PPIP5K2: variants seen among roughly 807,000 people sequenced by gnomAD.
PPIP5K2 encodes inositol hexakisphosphate and diphosphoinositol-pentakisphosphate kinase 2.
PPIP5K2 carries 105 observed loss-of-function variants against 154.6 expected under a neutral mutation model. That is an observed-to-expected ratio of 0.68 (90% CI 0.58 to 0.80). The LOEUF is 0.80. PPIP5K2 is among the 30% of genes least tolerant of loss of function. PPIP5K2 has a pLI of 0.00. For synonymous variants in PPIP5K2, 480 were observed against 490.3 expected, an observed-to-expected ratio of 0.98 and a Z score of 0.28; for missense variants, 992 against 1,504.6, an observed-to-expected ratio of 0.66 and a Z score of 5.64.
rs1281352937 is a variant in PPIP5K2 at position 103,210,631 on chromosome 5, G to A, written c.*8997G>A. On this transcript the variant is annotated 3_prime_UTR_variant, in exon 31 of 31. Transcript: ENST00000358359. The stretch of plus-strand genomic sequence containing the variant: ...CTCCCTTTTCTTTCATAGTCAACAA[G>A]TGCTTTTTGAACAATTATTGAGGTA... 2.6e-5 allele frequency: 4 copies of A among 152,004 alleles called. No homozygotes were observed. The highest frequency in any genetic ancestry group is 9.7e-5 in the African/African-American group (4 of 41,390). 9.4% of individuals were successfully genotyped at this position (152,004 alleles called of 1,614,324 possible). A position where few individuals can be genotyped will look rare whatever the true frequency, so the allele number is the denominator to read the frequency against.
intron 4 of PPIP5K2, among the ~76,000 whole-genome samples, chr5:103,137,923 TATC>T (rs1251516715): frequency 1.3e-5 from 2 of 152,206 alleles, no homozygotes; most frequent in South Asian, 2.1e-4. Context: ...TCACTGTATC[TATC>T]ATATTTTTTT....
intron 25 of PPIP5K2, 141 bp downstream of exon 25, chr5:103,183,548 A>G (rs1381771664): frequency 5.8e-6 from 4 of 687,208 alleles, no homozygotes; most frequent in Admixed American, 3.9e-5. Context: ...ATTTAAAAAT[A>G]CTTAATGATA....
chr5:103,140,903 C>T (rs1348125782), intron 5 of PPIP5K2, among the ~76,000 whole-genome samples: 7 of 150,386 alleles, frequency 4.7e-5, no homozygotes, highest in Non-Finnish European at 8.9e-5. Flanking sequence ...TAAACAGAAA[C>T]TGAGGGATTC....
intron 5 of PPIP5K2, among the ~76,000 whole-genome samples, chr5:103,142,210 C>T (rs1562394143): frequency 6.6e-6 from 1 of 152,214 alleles, no homozygotes; most frequent in African/African-American, 2.4e-5. Flanking sequence ...GGTGAGAAAT[C>T]CAGCGCAGCG....
Position 103,201,554 on chromosome 5 carries a change from A to G in PPIP5K2, c.3652A>G (p.Asn1218Asp). 2 of 1,609,698 alleles carry G rather than the reference A, an allele frequency of 1.2e-6. No individual in the cohort carries two copies. Among genetic ancestry groups the G allele is most frequent in the Non-Finnish European group, 1.7e-6 (2 of 1,178,356 alleles). ...TSGPSSAVVP[N>D]TSSRKKNITS... ...TGGACCTTCTAGTGCAGTTGTTCCT[A>G]ATACCTCATCTCGGAAAAAGAATAT... The change falls in exon 31 of 31, where the codon AAT (asparagine) becomes GAT (aspartate). Residue 1218 changes from asparagine to aspartate, a missense_variant. Physicochemically the swap from Asn to Asp is conservative, Grantham distance 23. Around this residue, in one of 9 missense-constraint regions of PPIP5K2, gnomAD observed 131 missense variants for 117.8 expected, o/e 1.11. Coordinates refer to ENST00000358359, the MANE Select transcript of PPIP5K2 (RefSeq NM_001276277.3).
chr5:103,141,027 G>T (rs978049905), intron 5 of PPIP5K2, among the ~76,000 whole-genome samples: 3 of 151,792 alleles, frequency 2.0e-5, no homozygotes, highest in African/African-American at 7.3e-5. Flanking sequence ...GATAGAAAAA[G>T]ACGTTAAAAA....
At chr5:103,162,930 A>G (rs1294249152) in intron 17 of PPIP5K2, among the ~76,000 whole-genome samples, 1 of 152,134 alleles carries the variant, frequency 6.6e-6, no homozygotes, top group Non-Finnish European at 1.5e-5. Context: ...TGGGTGTCCC[A>G]GCAGAACATA....
chr5:103,184,585 G>T, intron 25 of PPIP5K2, 87 bp from the exon 26 acceptor site: 1 of 941,382 alleles, frequency 1.1e-6, no homozygotes, highest in Non-Finnish European at 1.6e-6. Flanking sequence ...ATTAACCTTT[G>T]TCTGTCTGGA....
intron 19 of PPIP5K2, among the ~76,000 whole-genome samples, chr5:103,169,527 T>C (rs1445108828): frequency 6.6e-6 from 1 of 151,768 alleles, no homozygotes; most frequent in Non-Finnish European, 1.5e-5. Flanking sequence ...AACTTACCTA[T>C]AGGTATTTGT....
rs1349801331 is a variant in PPIP5K2, at chr5:103,201,873, T to C, written c.*239T>C. The C allele has an allele frequency of 2.4e-6, 1 of 425,476 alleles. No individual in the cohort carries two copies. Among genetic ancestry groups the C allele is most frequent in the South Asian group, 2.9e-5 (1 of 34,762 alleles). 26.4% of individuals were successfully genotyped at this position (425,476 alleles called of 1,614,324 possible). ...ATTGTTGTTAATATGATGTTTACCA[T>C]GTGCACATAGTAATGAAAAGGAACA... is the stretch of plus-strand genomic sequence containing the variant. On this transcript the variant is annotated 3_prime_UTR_variant, in exon 31 of 31. Transcript: ENST00000358359.
chr5:103,132,340 G>A (rs1373559592), intron 2 of PPIP5K2, among the ~76,000 whole-genome samples: 2 of 152,080 alleles, frequency 1.3e-5, no homozygotes, highest in Non-Finnish European at 2.9e-5. Flanking sequence ...AGGAGATCGA[G>A]ACCATCCTGG....
chr5:103,133,388 G>T, intron 2 of PPIP5K2, 65 bp from the exon 3 acceptor site: 1 of 1,365,392 alleles, frequency 7.3e-7, no homozygotes, highest in South Asian at 1.5e-5. Context: ...GAAAACAAAT[G>T]AAGATAGCTG....
chr5:103,129,082 A>G (rs1426170458), intron 1 of PPIP5K2, among the ~76,000 whole-genome samples: 1 of 152,082 alleles, frequency 6.6e-6, no homozygotes, highest in African/African-American at 2.4e-5. Context: ...GTTAATTCAT[A>G]TGTTTGTCAA....
chr5:103,172,186 A>C (rs1372061833), intron 19 of PPIP5K2, among the ~76,000 whole-genome samples: 2 of 151,688 alleles, frequency 1.3e-5, no homozygotes, highest in Non-Finnish European at 3.0e-5. Flanking sequence ...TTTACACATA[A>C]ATACACAGTT....
At chr5:103,189,828 C>G (rs1278207420) in intron 28 of PPIP5K2, among the ~76,000 whole-genome samples, 1 of 151,958 alleles carries the variant, frequency 6.6e-6, no homozygotes, top group African/African-American at 2.4e-5. Flanking sequence ...AAAATGAGCA[C>G]ACGCCTATTG....
intron 1 of PPIP5K2, among the ~76,000 whole-genome samples, chr5:103,121,066 G>A (rs1363853740): frequency 6.6e-6 from 1 of 152,082 alleles, no homozygotes; most frequent in Non-Finnish European, 1.5e-5. Context: ...TCATTCACGA[G>A]GTTCTTGACC....
chr5:103,150,776 C>T (rs2149563012), intron 8 of PPIP5K2, among the ~76,000 whole-genome samples: 1 of 150,322 alleles, frequency 6.7e-6, no homozygotes, highest in East Asian at 2.0e-4. Context: ...CTCTCAAAAC[C>T]AAACAAAACA....
chr5:103,158,548 A>G lies in PPIP5K2; in HGVS notation c.1712A>G (p.Gln571Arg). Residue 571 changes from glutamine to arginine, a missense_variant, in exon 16 of 31, where the codon CAG becomes CGG. Physicochemically the swap from Gln to Arg is conservative, Grantham distance 43 (BLOSUM62 1). Around this residue, in one of 9 missense-constraint regions of PPIP5K2, gnomAD observed 22 missense variants for 95.5 expected, o/e 0.23. Transcript: ENST00000358359. ...TATGCCTCTGATGAAGGACGAGTCC[A>G]GATGACTGCAGCTGCTTTTGCAAAG... is the stretch of plus-strand genomic sequence containing the variant. Reference protein sequence around the residue: ...KIYASDEGRVQMTAAAFAKGL... With the variant: ...KIYASDEGRVRMTAAAFAKGL... 6.2e-7 allele frequency: 1 copy of G among 1,603,694 alleles called. No individual in the cohort carries two copies. Among genetic ancestry groups the G allele is most frequent in the Non-Finnish European group, 8.5e-7 (1 of 1,176,930 alleles).
At chr5:103,158,648 G>T (rs1053665048) in intron 16 of PPIP5K2, 75 bp downstream of exon 16, 17 of 1,277,228 alleles carry the variant, frequency 1.3e-5, no homozygotes, top group Non-Finnish European at 1.6e-5. Flanking sequence ...TTGGCTGGGC[G>T]CAGTGGCTTA....
Sources: allele counts gnomAD v4.1 joint callset (sites outside exome capture counted in the v4.1 genomes callset), GRCh38; gene constraint gnomAD v4.1.1; regional missense constraint gnomAD v4.1.1; transcripts MANE v1.5; gene names NCBI Gene and HGNC (gene_info 2026-07-23, HGNC 2026-07-21).